Variants in PARD3B observed in about 807,000 individuals in gnomAD.
PARD3B encodes par-3 family cell polarity regulator beta, also known as partitioning defective 3 homolog B.
Under a neutral mutation model 130.2 loss-of-function variants are expected in PARD3B, and 103 were observed. The ratio of observed to expected loss-of-function variants is 0.79; its 90% CI spans 0.67 to 0.93. The LOEUF (loss-of-function observed/expected upper bound fraction) is 0.93. Ranked by LOEUF, PARD3B falls within the 40% of genes least tolerant of loss-of-function variation. PARD3B has a pLI of 0.00. For missense variants in PARD3B, 1,609 were observed against 1,499.2 expected (o/e 1.07, Z -1.21); for synonymous variants, 583 against 553.2 (o/e 1.05, Z -0.76).
rs2040652164 is a variant in PARD3B at position 205,269,857 on chromosome 2, T to C, written c.2185+24035T>C. Among the ~76,000 whole-genome samples the C allele has an allele frequency of 6.6e-6, 1 of 152,180 alleles. No individual in the cohort carries two copies. Among genetic ancestry groups the C allele is most frequent in the South Asian group, 2.1e-4 (1 of 4,832 alleles). ...ATTTTCTAGAGAATTATCTGGATAC[T>C]CTCATCAATATATCCTAATTCACCA... On this transcript the variant is annotated intron_variant, in intron 16 of 22. Coordinates refer to ENST00000406610, the MANE Select transcript of PARD3B (RefSeq NM_001302769.2). The surrounding 1 kb of genome is among the most constrained non-coding windows in gnomAD (Gnocchi z 4.7).
At chr2:204,638,227 C>T (rs2034953582) in intron 1 of PARD3B, among the ~76,000 whole-genome samples, 1 of 152,158 alleles carries the variant, frequency 6.6e-6, no homozygotes. Context: ...TAGTTAGGAA[C>T]CTACTGAGTA....
rs539787244 is a variant in PARD3B at position 205,184,659 on chromosome 2, G to A, written c.1925-1105G>A. Among the ~76,000 whole-genome samples, 181 of 152,000 alleles carry A rather than the reference G, an allele frequency of 1.2e-3. No homozygotes were observed. In the South Asian group the frequency reaches 0.016, roughly 14 times the overall value. ...CGGGAGGCTGAGGCAGGAGAATGGC[G>A]TGAACCCAGGAGGCAGAGCTTGCAG... On this transcript the variant is annotated intron_variant, in intron 13 of 22. Coordinates refer to ENST00000406610, the MANE Select transcript of PARD3B (RefSeq NM_001302769.2).
At chr2:205,177,048 G>A (rs760531513) in intron 13 of PARD3B, among the ~76,000 whole-genome samples, 3 of 152,102 alleles carry the variant, frequency 2.0e-5, no homozygotes, top group East Asian at 3.9e-4. Context: ...TCTCGTGATG[G>A]TTGGAATGTT....
chr2:205,376,264 T>C (rs908548161), intron 18 of PARD3B, among the ~76,000 whole-genome samples: 2 of 151,568 alleles, frequency 1.3e-5, no homozygotes, highest in African/African-American at 4.9e-5. Context: ...GCAGGCAGAG[T>C]CCACAAGCCA....
chr2:205,523,815 CTTTTTTTTTTT>C (rs11307073), intron 21 of PARD3B, among the ~76,000 whole-genome samples: 1 of 121,478 alleles, frequency 8.2e-6, no homozygotes, highest in Non-Finnish European at 1.7e-5. Context: ...CTCTGATAAC[CTTTTTTTTTTT>C]TTTTTTTTGA....
chr2:205,039,655 A>G (rs1178428539), intron 3 of PARD3B, among the ~76,000 whole-genome samples: 1 of 151,998 alleles, frequency 6.6e-6, no homozygotes, highest in Non-Finnish European at 1.5e-5. Flanking sequence ...ATTTTAGTAG[A>G]GATGGGGTTT....
chr2:204,804,637 C>T (rs2042698557), intron 2 of PARD3B, among the ~76,000 whole-genome samples: 2 of 152,156 alleles, frequency 1.3e-5, no homozygotes, highest in South Asian at 4.1e-4. Context: ...AACAAATGTA[C>T]TTAATAGATA....
intron 2 of PARD3B, among the ~76,000 whole-genome samples, chr2:204,964,713 G>T (rs1231817775): frequency 6.6e-6 from 1 of 152,162 alleles, no homozygotes; most frequent in East Asian, 1.9e-4. Context: ...ATCTTGTAAT[G>T]TGTTTTAGGT....
Position 204,887,845 on chromosome 2 carries a change from A to G in PARD3B, c.223-77307A>G, listed in dbSNP as rs2046316354. On this transcript the variant is annotated intron_variant, in intron 2 of 22. Coordinates refer to ENST00000406610, the MANE Select transcript of PARD3B (RefSeq NM_001302769.2). The surrounding 1 kb of genome is among the most constrained non-coding windows in gnomAD (Gnocchi z 4.2). ...GTGCATGGTGCAATGCCAGAAGTTG[A>G]CACTGTCATTGGGTGCTGTGGATTT... is the stretch of plus-strand genomic sequence containing the variant. 6.6e-6 allele frequency among the ~76,000 whole-genome samples: 1 copy of G among 152,132 alleles called. No individual in the cohort carries two copies. Among genetic ancestry groups the G allele is most frequent in the Admixed American group, 6.5e-5 (1 of 15,278 alleles).
intron 16 of PARD3B, among the ~76,000 whole-genome samples, chr2:205,282,149 G>T (rs2041214694): frequency 6.6e-6 from 1 of 152,068 alleles, no homozygotes; most frequent in Non-Finnish European, 1.5e-5. Context: ...AAAGGATATT[G>T]AAAGAATTTA....
In PARD3B at chr2:205,581,385, A is replaced by G. The variant is rs368413478; in HGVS notation, c.3260+27982A>G. Among the ~76,000 whole-genome samples the G allele has an allele frequency of 1.0e-3, 84 of 81,310 alleles. 1 individual carries two copies. In the East Asian group the frequency reaches 0.044, roughly 43 times the overall value. 53.3% of individuals were successfully genotyped at this position (81,310 alleles called of 152,430 possible). ...TGTACGTGTGTATGTATGTATATAT[A>G]AATATATATAAATATATATATAAGT... On this transcript the variant is annotated intron_variant, in intron 22 of 22. Transcript: ENST00000406610.
intron 18 of PARD3B, among the ~76,000 whole-genome samples, chr2:205,335,986 G>A (rs1157596319): frequency 6.6e-6 from 1 of 152,176 alleles, no homozygotes; most frequent in Non-Finnish European, 1.5e-5. Context: ...AATTGTGATA[G>A]TTACAATTCA....
At position 205,015,857 on chromosome 2, in the gene PARD3B, C is replaced by T. The variant is rs1004968237; in HGVS notation, c.395-31724C>T. 4.6e-5 allele frequency among the ~76,000 whole-genome samples: 7 copies of T among 152,238 alleles called. No individual in the cohort carries two copies. The highest frequency in any genetic ancestry group is 7.4e-5 in the Non-Finnish European group (5 of 68,024). On this transcript the variant is annotated intron_variant, in intron 3 of 22. Transcript: ENST00000406610. This position sits in a 1 kb window ranked among gnomAD's most constrained non-coding sequence, Gnocchi z 4.5. ...GAAAGAATGGGTTTATTTTCCTGAT[C>T]GTGAGCCTTATTATGTAAGCTTGCT...
At chr2:204,570,685 C>T (rs1421995188) in intron 1 of PARD3B, among the ~76,000 whole-genome samples, 1 of 152,106 alleles carries the variant, frequency 6.6e-6, no homozygotes, top group Non-Finnish European at 1.5e-5. Flanking sequence ...GAGTGAAGTT[C>T]AAACAGGTAA....
At chr2:205,034,781 A>G (rs1697682387) in intron 3 of PARD3B, among the ~76,000 whole-genome samples, 1 of 152,180 alleles carries the variant, frequency 6.6e-6, no homozygotes, top group Non-Finnish European at 1.5e-5. Context: ...AAATAATATT[A>G]ATGATATATT....
chr2:205,226,975 T>A (rs566283505), intron 15 of PARD3B, among the ~76,000 whole-genome samples: 94 of 152,334 alleles, frequency 6.2e-4, no homozygotes, highest in African/African-American at 2.1e-3. Flanking sequence ...TGTGTTTATA[T>A]TTAGTTTTCA....
rs370917861 is a variant in PARD3B at position 205,214,965 on chromosome 2, G to A, written c.2140+21645G>A. 3.3e-5 allele frequency among the ~76,000 whole-genome samples: 5 copies of A among 152,184 alleles called. No homozygotes were observed. In the South Asian group the frequency reaches 1.0e-3, roughly 32 times the overall value. On this transcript the variant is annotated intron_variant, in intron 15 of 22. Transcript: ENST00000406610. ...TTAAGGGCAAGAATTTCTAAAGGCG[G>A]CTCAGTCTAATTGTCCACCCCACTG... is the stretch of plus-strand genomic sequence containing the variant.
In PARD3B at chr2:205,562,114, T is replaced by G. The variant is rs1029788820; in HGVS notation, c.3260+8711T>G. The stretch of plus-strand genomic sequence containing the variant: ...CCCAGCATGTAATATCACTTTAAGA[T>G]GCCAAACAGCTGAGATCAGGGGGTT... On this transcript the variant is annotated intron_variant, in intron 22 of 22. Coordinates refer to ENST00000406610, the MANE Select transcript of PARD3B (RefSeq NM_001302769.2). The surrounding 1 kb of genome is among the most constrained non-coding windows in gnomAD (Gnocchi z 5.4). Among the ~76,000 whole-genome samples, 1 of 152,226 alleles carries G rather than the reference T, an allele frequency of 6.6e-6. No individual in the cohort carries two copies. The highest frequency in any genetic ancestry group is 6.5e-5 in the Admixed American group (1 of 15,286).
At chr2:205,058,275 T>C (rs1699856775) in intron 4 of PARD3B, among the ~76,000 whole-genome samples, 1 of 151,974 alleles carries the variant, frequency 6.6e-6, no homozygotes, top group South Asian at 2.1e-4. Context: ...CCTTCCTTGT[T>C]AAGGTTGAAA....
Sources: allele counts gnomAD v4.1 joint callset (sites outside exome capture counted in the v4.1 genomes callset), GRCh38; gene constraint gnomAD v4.1.1; non-coding constraint Gnocchi (gnomAD v3.1); transcripts MANE v1.5; gene names NCBI Gene and HGNC (gene_info 2026-07-23, HGNC 2026-07-21).